The following AGBL4 variants were observed in gnomAD, a reference collection of about 807,000 sequenced individuals.
AGBL4 encodes the protein AGBL carboxypeptidase 4.
Under a neutral mutation model 66.4 loss-of-function variants are expected in AGBL4, and 58 were observed. The ratio of observed to expected loss-of-function variants is 0.87; its 90% CI spans 0.71 to 1.09. The LOEUF (loss-of-function observed/expected upper bound fraction) is 1.09, where lower values mean the gene tolerates loss of function less well. AGBL4 is among the 50% of genes least tolerant of loss of function. AGBL4 has a pLI of 0.00. For synonymous variants in AGBL4, 234 were observed against 222.9 expected (o/e 1.05, Z -0.44); for missense variants, 579 against 631.0 (o/e 0.92, Z 0.88).
intron 3 of AGBL4, among the ~76,000 whole-genome samples, chr1:49,309,311 T>C (rs1307198951): frequency 2.0e-5 from 3 of 152,130 alleles, no homozygotes; most frequent in Non-Finnish European, 4.4e-5. Flanking sequence ...CTTTAATATG[T>C]TTAAGAATCA....
At chr1:48,527,663 T>G in the AGBL4 span, among the ~76,000 whole-genome samples, 81,795 of 151,426 alleles carry the variant, frequency 0.54, 23,149 homozygotes, top group East Asian at 0.63. Flanking sequence ...AGAAAGCAAT[T>G]AATGACAACT....
intron 2 of AGBL4, among the ~76,000 whole-genome samples, chr1:49,749,042 T>A (rs924614169): frequency 2.0e-5 from 3 of 152,242 alleles, no homozygotes; most frequent in Non-Finnish European, 2.9e-5. Context: ...TTGGCTTTTG[T>A]TGCAATTGTT....
chr1:49,251,399 T>C (rs1423744710), intron 3 of AGBL4, among the ~76,000 whole-genome samples: 1 of 152,158 alleles, frequency 6.6e-6, no homozygotes, highest in Admixed American at 6.5e-5. Flanking sequence ...GGAGGCTTGG[T>C]GGGCACAGAG....
At chr1:48,767,447 T>C (rs559921467) in intron 6 of AGBL4, among the ~76,000 whole-genome samples, 4 of 152,066 alleles carry the variant, frequency 2.6e-5, no homozygotes, top group Non-Finnish European at 5.9e-5. Context: ...AAAGAGATGT[T>C]TTAGGAAGAT....
intron 3 of AGBL4, among the ~76,000 whole-genome samples, chr1:49,499,478 G>A (rs190929788): frequency 1.6e-4 from 25 of 151,800 alleles, no homozygotes; most frequent in African/African-American, 3.6e-4. Context: ...AGAAGTGTAC[G>A]TGGCACCCAA....
At chr1:48,544,285 A>G (rs997423966) in intron 11 of AGBL4, among the ~76,000 whole-genome samples, 1 of 150,980 alleles carries the variant, frequency 6.6e-6, no homozygotes, top group African/African-American at 2.5e-5. Flanking sequence ...TGGCTGGAGG[A>G]AACCAAATGG....
intron 1 of AGBL4, among the ~76,000 whole-genome samples, chr1:49,933,969 T>C (rs557164968): frequency 6.6e-6 from 1 of 152,274 alleles, no homozygotes; most frequent in Admixed American, 6.5e-5. Flanking sequence ...AATGGCTGAA[T>C]ATATAATAAA....
intron 3 of AGBL4, among the ~76,000 whole-genome samples, chr1:49,530,262 A>AAAAAAAAAC (rs1650999604): frequency 2.1e-5 from 3 of 140,360 alleles, no homozygotes; most frequent in African/African-American, 8.2e-5. Context: ...GAATTTGTAA[A>AAAAAAAAAC]AAAAAAAAAA....
At chr1:49,498,887 C>T (rs1201011347) in intron 3 of AGBL4, among the ~76,000 whole-genome samples, 1 of 151,962 alleles carries the variant, frequency 6.6e-6, no homozygotes, top group Non-Finnish European at 1.5e-5. Flanking sequence ...TTGAACCATC[C>T]TTACATTCCA....
intron 3 of AGBL4, among the ~76,000 whole-genome samples, chr1:49,414,512 G>A (rs1426927906): frequency 6.6e-6 from 1 of 152,158 alleles, no homozygotes; most frequent in Non-Finnish European, 1.5e-5. Flanking sequence ...CCGGTTTTGA[G>A]AGAATTACTA....
chr1:49,643,712 A>G (rs1466019416), intron 3 of AGBL4, among the ~76,000 whole-genome samples: 1 of 151,720 alleles, frequency 6.6e-6, no homozygotes, highest in Non-Finnish European at 1.5e-5. Context: ...TTTTCAACCT[A>G]GAATTCTATA....
In AGBL4 at chr1:49,037,270, T is replaced by A. The variant is rs186103556; in HGVS notation, c.594+8314A>T. On this transcript the variant is annotated intron_variant, in intron 5 of 13. Coordinates refer to ENST00000371839, the MANE Select transcript of AGBL4 (RefSeq NM_032785.4). Reference sequence around the variant, plus strand: ...CCTATTATTATATATGTAGTCTTCGTGGTTTTCCTCCTGGTACTCTTGGCT... The same window carrying A: ...CCTATTATTATATATGTAGTCTTCGAGGTTTTCCTCCTGGTACTCTTGGCT... Among the ~76,000 whole-genome samples, 102 of 152,174 alleles carry A rather than the reference T, an allele frequency of 6.7e-4. 1 individual carries two copies. The highest frequency in any genetic ancestry group is 1.3e-4 in the Non-Finnish European group (9 of 67,980).
intron 1 of AGBL4, among the ~76,000 whole-genome samples, chr1:49,860,704 T>C (rs542564876): frequency 1.8e-4 from 27 of 149,182 alleles, no homozygotes; most frequent in African/African-American, 6.7e-4. Flanking sequence ...CTCAAAAAAA[T>C]AGTAATAAGG....
chr1:49,233,581 T>C (rs1228088831), intron 4 of AGBL4, among the ~76,000 whole-genome samples: 2 of 152,170 alleles, frequency 1.3e-5, no homozygotes, highest in Non-Finnish European at 2.9e-5. Flanking sequence ...CTCAAGGAAT[T>C]TGCAATTGGA....
chr1:49,823,119 T>C (rs1401225309), intron 2 of AGBL4, among the ~76,000 whole-genome samples: 1 of 152,196 alleles, frequency 6.6e-6, no homozygotes, highest in Non-Finnish European at 1.5e-5. Flanking sequence ...CTTACCTGTC[T>C]TGGACTGTTA....
chr1:48,962,087 T>C (rs1355712055), intron 5 of AGBL4, among the ~76,000 whole-genome samples: 2 of 141,464 alleles, frequency 1.4e-5, no homozygotes, highest in Non-Finnish European at 3.2e-5. Context: ...CCTGGTTCAC[T>C]TAAAAGATCC....
intron 5 of AGBL4, among the ~76,000 whole-genome samples, chr1:49,027,024 C>T (rs1472504570): frequency 6.6e-6 from 1 of 152,108 alleles, no homozygotes; most frequent in East Asian, 1.9e-4. Context: ...GAGGGCCCAA[C>T]AGAGGACTTA....
chr1:49,831,693 T>C (rs550789134), intron 2 of AGBL4, among the ~76,000 whole-genome samples: 1 of 152,288 alleles, frequency 6.6e-6, no homozygotes, highest in South Asian at 2.1e-4. Context: ...TGTACTGGTT[T>C]CAAAGGGAAT....
At chr1:49,029,836 T>A (rs74479114) in intron 5 of AGBL4, among the ~76,000 whole-genome samples, 4,208 of 152,224 alleles carry the variant, frequency 0.028, 170 homozygotes, top group African/African-American at 0.096. Context: ...GACATATAGA[T>A]CAATAGAATG....
Sources: gnomAD v4.1 joint callset for allele counts (sites outside exome capture counted in the v4.1 genomes callset) on GRCh38, gnomAD v4.1.1 for gene constraint, MANE v1.5 for transcripts, NCBI Gene and HGNC (gene_info 2026-07-23, HGNC 2026-07-21) for gene names.